Variants in GALNT10 observed in about 807,000 individuals in gnomAD.
GALNT10 encodes polypeptide N-acetylgalactosaminyltransferase 10, also known as GalNAc transferase 10.
A neutral mutation model predicts 75.0 loss-of-function variants in GALNT10; 41 were observed. The observed-to-expected ratio is 0.55, with a 90% CI of 0.43 to 0.71. The LOEUF is 0.71. Among genes scored for constraint, GALNT10 ranks in the 30% least tolerant of loss-of-function variants. GALNT10 has a pLI of 0.00. For synonymous variants in GALNT10, 302 were observed against 313.0 expected, an observed-to-expected ratio of 0.96 and a Z score of 0.37; for missense variants, 727 against 818.5, an observed-to-expected ratio of 0.89 and a Z score of 1.36.
intron 2 of GALNT10, among the ~76,000 whole-genome samples, chr5:154,296,347 C>T (rs758185116): frequency 4.6e-5 from 7 of 152,066 alleles, no homozygotes; most frequent in East Asian, 1.9e-4. Context: ...CTGCCCACCT[C>T]GGCCTTCCAA....
rs186331478 is a variant in GALNT10 at position 154,198,367 on chromosome 5, A to G, written c.159+7342A>G. 6.6e-5 allele frequency among the ~76,000 whole-genome samples: 10 copies of G among 152,346 alleles called. No homozygotes were observed. The South Asian group carries it at 1.7e-3, about 25-fold the overall frequency. Reference sequence around the variant, plus strand: ...GGTACAGAACAAGTGCTTGGTAAACATGGTGATGCCGCTGCCTTTGTGAAG... The same window carrying G: ...GGTACAGAACAAGTGCTTGGTAAACGTGGTGATGCCGCTGCCTTTGTGAAG... On this transcript the variant is annotated intron_variant, in intron 1 of 11. Transcript: ENST00000297107.
intron 1 of GALNT10, among the ~76,000 whole-genome samples, chr5:154,201,785 C>T (rs2012144): frequency 0.15 from 22,979 of 151,876 alleles, 1,766 homozygotes; most frequent in Middle Eastern, 0.17. Flanking sequence ...AAAAATTAGC[C>T]GGGTGTAGTG....
At position 154,416,661 on chromosome 5, in the gene GALNT10, T is replaced by A. The variant is rs539286505; in HGVS notation, c.1654-153T>A. Among the ~76,000 whole-genome samples, 1 of 152,162 alleles carries A rather than the reference T, an allele frequency of 6.6e-6. No homozygotes were observed. The highest frequency in any genetic ancestry group is 1.9e-4 in the East Asian group (1 of 5,176). On this transcript the variant is annotated intron_variant, in intron 11 of 11. Transcript: ENST00000297107. This position sits in a 1 kb window ranked among gnomAD's most constrained non-coding sequence, Gnocchi z 4.5. ...CAGCTGCAAGGGAGGCTGGGCAGCA[T>A]CCGGCTTGTGAGCTCAGGAGGAAAA...
chr5:154,257,671 TA>T (rs5872365), intron 1 of GALNT10, among the ~76,000 whole-genome samples: 137,197 of 144,974 alleles, frequency 0.95, 64,881 homozygotes, highest in East Asian at 0.99. Context: ...GACTCCGTTT[TA>T]AAAAAAAAAA....
rs990697619 is a variant in GALNT10, at chr5:154,412,572, G to A, written c.1387-317G>A. 2.9e-5 allele frequency: 9 copies of A among 305,674 alleles called. No individual in the cohort carries two copies. Among genetic ancestry groups the A allele is most frequent in the East Asian group, 2.1e-4 (2 of 9,646 alleles). 18.9% of individuals were successfully genotyped at this position (305,674 alleles called of 1,614,324 possible). A position where few individuals can be genotyped will look rare whatever the true frequency, so the allele number is the denominator to read the frequency against. On this transcript the variant is annotated intron_variant, in intron 9 of 11. Transcript: ENST00000297107. The surrounding 1 kb of genome is among the most constrained non-coding windows in gnomAD (Gnocchi z 4.2). ...GTAAAATCTGGTTCCTGGACCTGTC[G>A]GTTCAATTTCTCCAGGAGTAGGGCC...
Position 154,352,812 on chromosome 5 carries a change from C to T in GALNT10, c.568+23074C>T, listed in dbSNP as rs911765875. On this transcript the variant is annotated intron_variant, in intron 4 of 11. Transcript: ENST00000297107. The surrounding 1 kb of genome is among the most constrained non-coding windows in gnomAD (Gnocchi z 4.4). ...GAGCAAAGCCTTTTGGTTTAAGAAA[C>T]CTTGACCACCCCGCGGTCTTGCATC... is the stretch of plus-strand genomic sequence containing the variant. Among the ~76,000 whole-genome samples, 2 of 152,174 alleles carry T rather than the reference C, an allele frequency of 1.3e-5. No individual in the cohort carries two copies. The highest frequency in any genetic ancestry group is 2.4e-5 in the African/African-American group (1 of 41,428).
At chr5:154,335,445 T>G (rs1459093479) in intron 4 of GALNT10, among the ~76,000 whole-genome samples, 1 of 152,002 alleles carries the variant, frequency 6.6e-6, no homozygotes, top group African/African-American at 2.4e-5. Context: ...TCCAGCGAAA[T>G]TTAATCCAAA....
chr5:154,397,701 T>C (rs1223334400), intron 7 of GALNT10, among the ~76,000 whole-genome samples: 1 of 152,224 alleles, frequency 6.6e-6, no homozygotes, highest in Non-Finnish European at 1.5e-5. Flanking sequence ...TTGAACTTCA[T>C]AGGGGTCCTC....
Position 154,386,294 on chromosome 5 carries a change from T to A in GALNT10, c.939-19T>A. On this transcript the variant is annotated intron_variant, in intron 6 of 11. Coordinates refer to ENST00000297107, the MANE Select transcript of GALNT10 (RefSeq NM_198321.4). Reference sequence around the variant, plus strand: ...CCAGGACATCTGCACCTTCACACCATGTTCTTCTTCTCTGACAGGTCTCCC... The same window carrying A: ...CCAGGACATCTGCACCTTCACACCAAGTTCTTCTTCTCTGACAGGTCTCCC... The A allele has an allele frequency of 1.3e-6, 2 of 1,581,168 alleles. No individual in the cohort carries two copies. The highest frequency in any genetic ancestry group is 1.7e-6 in the Non-Finnish European group (2 of 1,150,690).
chr5:154,368,080 A>T (rs1169687084), intron 4 of GALNT10, among the ~76,000 whole-genome samples: 1 of 152,204 alleles, frequency 6.6e-6, no homozygotes, highest in African/African-American at 2.4e-5. Flanking sequence ...ATCACAGGGA[A>T]GGCTTGTTAA....
chr5:154,408,993 T>C (rs914503702), intron 8 of GALNT10, among the ~76,000 whole-genome samples: 7 of 152,166 alleles, frequency 4.6e-5, no homozygotes, highest in African/African-American at 1.7e-4. Context: ...AGGCTCTCCT[T>C]GTCTCTCCTT....
rs917497873 is a variant in GALNT10, at chr5:154,383,210, A to G, written c.938+2579A>G. Among the ~76,000 whole-genome samples, 4 of 152,242 alleles carry G rather than the reference A, an allele frequency of 2.6e-5. No individual in the cohort carries two copies. In the South Asian group the frequency reaches 8.3e-4, roughly 32 times the overall value. On this transcript the variant is annotated intron_variant, in intron 6 of 11. Coordinates refer to ENST00000297107, the MANE Select transcript of GALNT10 (RefSeq NM_198321.4). ...GACAGAACCCTAGGAAGTGGCCACT[A>G]GAGAAATTCTGGTCATTTTCTGTAC...
At chr5:154,405,595 A>G (rs1756263029) in intron 8 of GALNT10, among the ~76,000 whole-genome samples, 1 of 152,158 alleles carries the variant, frequency 6.6e-6, no homozygotes, top group African/African-American at 2.4e-5. Flanking sequence ...TCTTCCGGCT[A>G]CAAGGGACCA....
intron 1 of GALNT10, among the ~76,000 whole-genome samples, chr5:154,292,165 A>G (rs560738332): frequency 3.9e-5 from 6 of 152,326 alleles, no homozygotes; most frequent in Admixed American, 6.5e-5. Context: ...TGATGTGACA[A>G]CACAGATCAG....
chr5:154,409,814 C>A lies in GALNT10; in HGVS notation c.1386+52C>A. The A allele has an allele frequency of 1.7e-6, 2 of 1,153,562 alleles. No homozygotes were observed. The highest frequency in any genetic ancestry group is 2.6e-6 in the Non-Finnish European group (2 of 762,300). 71.5% of individuals were successfully genotyped at this position (1,153,562 alleles called of 1,614,324 possible). ...CATAATTTAATGGGTGTGCAAAATG[C>A]AAATGCAGATCCCATGTTCAAAAGG... is the stretch of plus-strand genomic sequence containing the variant. On this transcript the variant is annotated intron_variant, in intron 9 of 11. Coordinates refer to ENST00000297107, the MANE Select transcript of GALNT10 (RefSeq NM_198321.4). The surrounding 1 kb of genome is among the most constrained non-coding windows in gnomAD (Gnocchi z 4.5).
At chr5:154,411,823 T>C (rs754904427) in intron 9 of GALNT10, among the ~76,000 whole-genome samples, 17 of 151,998 alleles carry the variant, frequency 1.1e-4, no homozygotes, top group South Asian at 4.1e-4. Context: ...GTTAAAACAC[T>C]TGAGAGGAAA....
intron 2 of GALNT10, among the ~76,000 whole-genome samples, chr5:154,297,715 C>T (rs1361269405): frequency 2.6e-5 from 4 of 152,178 alleles, no homozygotes; most frequent in Non-Finnish European, 5.9e-5. Context: ...GGTCTCATGT[C>T]CACCCCGCAG....
chr5:154,223,254 T>C (rs905886010), intron 1 of GALNT10, among the ~76,000 whole-genome samples: 1 of 152,224 alleles, frequency 6.6e-6, no homozygotes, highest in African/African-American at 2.4e-5. Flanking sequence ...ATCTGCTTTA[T>C]TGGCTTGATA....
chr5:154,194,899 T>C (rs1774912313), intron 1 of GALNT10, among the ~76,000 whole-genome samples: 1 of 152,230 alleles, frequency 6.6e-6, no homozygotes, highest in Non-Finnish European at 1.5e-5. Context: ...TCTTACATCC[T>C]GAGGTTCTGT....
Sources: gnomAD v4.1 joint callset for allele counts (sites outside exome capture counted in the v4.1 genomes callset) on GRCh38, gnomAD v4.1.1 for gene constraint, Gnocchi (gnomAD v3.1) non-coding constraint, MANE v1.5 for transcripts, NCBI Gene and HGNC (gene_info 2026-07-23, HGNC 2026-07-21) for gene names.